CYP4F2: variants seen among roughly 807,000 people sequenced by gnomAD.
CYP4F2 encodes cytochrome P450 4F2.
CYP4F2 carries 58 observed loss-of-function variants against 58.9 expected under a neutral mutation model. That is an observed-to-expected ratio of 0.98 (90% confidence interval 0.80 to 1.23). CYP4F2 has a LOEUF of 1.23. Among genes scored for constraint, CYP4F2 ranks in the 50% most tolerant of loss-of-function variants. The pLI is 0.00. For synonymous variants in CYP4F2, 287 were observed against 261.1 expected (o/e 1.10, Z -0.95); for missense variants, 616 against 685.6 (o/e 0.90, Z 1.13).
chr19:15,889,271 A>C, intron 7 of CYP4F2, 152 bp downstream of exon 7: 1 of 1,460,818 alleles, frequency 6.8e-7, no homozygotes, highest in Non-Finnish European at 9.2e-7. Flanking sequence ...CTCCACAGTC[A>C]TCTCTAAAAC....
chr19:15,885,552 C>T (rs1199937300), intron 9 of CYP4F2, among the ~76,000 whole-genome samples: 2 of 152,054 alleles, frequency 1.3e-5, no homozygotes, highest in Non-Finnish European at 2.9e-5. Context: ...CTGGACTCGA[C>T]TGGAGAGTAG....
intron 3 of CYP4F2, 80 bp from the exon 4 acceptor site, chr19:15,892,662 G>A: frequency 6.4e-7 from 1 of 1,569,530 alleles, no homozygotes; most frequent in Non-Finnish European, 8.6e-7. Flanking sequence ...CTCCCAGCAA[G>A]AGGTTTGCAC....
intron 9 of CYP4F2, among the ~76,000 whole-genome samples, chr19:15,882,180 G>C (rs1273211259): frequency 6.6e-6 from 1 of 152,062 alleles, no homozygotes. Flanking sequence ...GGGAGGCAGA[G>C]GTCGCAGTAA....
intron 7 of CYP4F2, chr19:15,886,615 T>C (rs529742155): frequency 2.6e-6 from 1 of 377,576 alleles, no homozygotes; most frequent in African/African-American, 2.1e-5. Flanking sequence ...GAGAATTAAA[T>C]GGCAATTTCC....
At chr19:15,885,337 A>C (rs1255321557) in intron 9 of CYP4F2, among the ~76,000 whole-genome samples, 7 of 152,256 alleles carry the variant, frequency 4.6e-5, no homozygotes, top group South Asian at 2.1e-4. Context: ...GGACAGCTCC[A>C]CCACCAGGCT....
rs143088581 is a variant in CYP4F2 at position 15,878,898 on chromosome 19, T to G, written c.1436A>C (p.Lys479Thr). 93 of 1,613,910 alleles carry G rather than the reference T, an allele frequency of 5.8e-5. No individual in the cohort carries two copies. Among genetic ancestry groups the G allele is most frequent in the Non-Finnish European group, 7.6e-5 (90 of 1,179,994 alleles). Residue 479 changes from lysine to threonine, a missense_variant, in exon 13 of 13, where the codon AAG becomes ACG. Transcript: ENST00000221700. ...IGQTFAMAEM[K>T]VVLALTLLRF... ...CAGCAGCGTGAGCGCCAGGACCACC[T>G]TCATCTCCGCCATCGCGAACGTCTG...
intron 6 of CYP4F2, among the ~76,000 whole-genome samples, chr19:15,890,017 C>T (rs1015439506): frequency 1.3e-5 from 2 of 152,160 alleles, no homozygotes; most frequent in East Asian, 1.9e-4. Context: ...AGACTTTATC[C>T]TCCTGCAACT....
Position 15,878,414 on chromosome 19 carries a change from C to G in CYP4F2, c.*357G>C. The G allele has an allele frequency of 4.2e-6, 1 of 238,448 alleles. No individual in the cohort carries two copies. 14.8% of individuals were successfully genotyped at this position (238,448 alleles called of 1,614,324 possible). Reference sequence around the variant, plus strand: ...ACACTATGTGACCTTTTGCATCTGACGTCTTTCATTCAGTATCATGCATTC... The same window carrying G: ...ACACTATGTGACCTTTTGCATCTGAGGTCTTTCATTCAGTATCATGCATTC... On this transcript the variant is annotated 3_prime_UTR_variant, in exon 13 of 13. Coordinates refer to ENST00000221700, the MANE Select transcript of CYP4F2 (RefSeq NM_001082.5).
At chr19:15,897,689 G>T in intron 1 of CYP4F2, 77 bp from the exon 2 acceptor site, 1 of 1,530,582 alleles carries the variant, frequency 6.5e-7, no homozygotes, top group South Asian at 1.2e-5. Context: ...ACAGTGGAGA[G>T]GCAGGGACGG....
chr19:15,893,082 T>C (rs1038665847), intron 3 of CYP4F2, among the ~76,000 whole-genome samples: 1 of 152,148 alleles, frequency 6.6e-6, no homozygotes, highest in Non-Finnish European at 1.5e-5. Flanking sequence ...AACATGCACA[T>C]GAGATGGTCT....
At chr19:15,894,489 C>T (rs1479946306) in intron 3 of CYP4F2, among the ~76,000 whole-genome samples, 2 of 152,162 alleles carry the variant, frequency 1.3e-5, no homozygotes, top group African/African-American at 4.8e-5. Context: ...GGAAAAGCGA[C>T]ATGGAGAAAG....
rs1568472253 is a variant in CYP4F2 at position 15,889,530 on chromosome 19, T to C, written c.811A>G (p.Ile271Val). The C allele has an allele frequency of 6.2e-7, 1 of 1,614,212 alleles. No homozygotes were observed. Among genetic ancestry groups the C allele is most frequent in the East Asian group, 2.2e-5 (1 of 44,878 alleles). The change falls in exon 7 of 13, where the codon ATC (isoleucine) becomes GTC (valine). Residue 271 changes from isoleucine (I) to valine (V), a missense_variant. Physicochemically the swap from Ile to Val is conservative, Grantham distance 29 (BLOSUM62 3). Transcript: ENST00000221700. ...GGGAGAGTGCGGCGCCGCTCCTGGA[T>C]GACGGCATCTGTGAAGTCGTGCACC... ...RLVHDFTDAV[I>V]QERRRTLPSQ...
At chr19:15,880,701 A>C (rs1286033106) in intron 9 of CYP4F2, among the ~76,000 whole-genome samples, 8 of 152,196 alleles carry the variant, frequency 5.3e-5, no homozygotes, top group African/African-American at 1.9e-4. Context: ...GAGCAAAAAA[A>C]TAAAGGAACC....
intron 3 of CYP4F2, among the ~76,000 whole-genome samples, chr19:15,895,162 C>T (rs149787325): frequency 4.6e-5 from 7 of 152,298 alleles, no homozygotes; most frequent in African/African-American, 1.7e-4. Context: ...TTGTTCTTCC[C>T]TGGGCTGTGA....
In CYP4F2 at chr19:15,892,423, C is replaced by G. The variant is rs374707045; in HGVS notation, c.411G>C (p.Leu137=). The part of the protein sequence containing the change: ...FLEPWLGDGL[L]LSAGDKWSRH... ...GGCTCCACTTGTCACCAGCACTCAGCAGGAGCCCATCCCCTAGCAGGGCAG... is the reference window on the plus strand; with the variant it reads ...GGCTCCACTTGTCACCAGCACTCAGGAGGAGCCCATCCCCTAGCAGGGCAG... Residue 137 remains leucine, a synonymous_variant, in exon 5 of 13, where the codon CTG becomes CTC. Transcript: ENST00000221700. The G allele has an allele frequency of 9.9e-6, 16 of 1,614,214 alleles. No homozygotes were observed. The highest frequency in any genetic ancestry group is 1.3e-5 in the Non-Finnish European group (15 of 1,180,036).
intron 1 of CYP4F2, 31 bp from the exon 2 acceptor site, chr19:15,897,643 C>T (rs758139448): frequency 6.2e-7 from 1 of 1,610,860 alleles, no homozygotes; most frequent in East Asian, 2.2e-5. Flanking sequence ...ACGGTGAGAT[C>T]CTGAGGCCCA....
chr19:15,879,318 T>C (rs3093197), intron 12 of CYP4F2, 28 bp downstream of exon 12: 3 of 1,612,776 alleles, frequency 1.9e-6, no homozygotes, highest in African/African-American at 1.3e-5. Flanking sequence ...ATCAACCCGT[T>C]CCCACCTCAG....
At chr19:15,892,650 G>T (rs1219516695) in intron 3 of CYP4F2, 68 bp from the exon 4 acceptor site, 4 of 1,579,992 alleles carry the variant, frequency 2.5e-6, no homozygotes, top group Non-Finnish European at 3.4e-6. Flanking sequence ...GGTGGGTGGA[G>T]GCTCCCAGCA....
intron 1 of CYP4F2, 74 bp downstream of exon 1, chr19:15,897,952 C>T (rs930238054): frequency 3.8e-5 from 11 of 291,328 alleles, no homozygotes; most frequent in Admixed American, 2.7e-4. Context: ...CCAGGAGCTG[C>T]GTGGGCCTTG....
Sources: gnomAD v4.1 joint callset for allele counts (sites outside exome capture counted in the v4.1 genomes callset) on GRCh38, gnomAD v4.1.1 for gene constraint, MANE v1.5 for transcripts, NCBI Gene and HGNC (gene_info 2026-07-23, HGNC 2026-07-21) for gene names.